The following ENPP2 variants were observed in gnomAD, a reference collection of about 807,000 sequenced individuals.
ENPP2 encodes autotaxin.
A neutral mutation model predicts 120.2 loss-of-function variants in ENPP2; 51 were observed. The ratio of observed to expected loss-of-function variants is 0.42; its 90% CI spans 0.34 to 0.54. The LOEUF (loss-of-function observed/expected upper bound fraction) is 0.54, where lower values mean the gene tolerates loss of function less well. ENPP2 is among the 20% of genes least tolerant of loss of function. ENPP2 has a pLI of 0.04. For synonymous variants in ENPP2, 365 were observed against 366.4 expected, an observed-to-expected ratio of 1.00 and a Z score of 0.04; for missense variants, 920 against 1,066.5, an observed-to-expected ratio of 0.86 and a Z score of 1.91.
At chr8:119,671,103 A>G (rs1004150023) in intron 1 of ENPP2, among the ~76,000 whole-genome samples, 1 of 142,718 alleles carries the variant, frequency 7.0e-6, no homozygotes, top group African/African-American at 2.6e-5. Flanking sequence ...CCTGGCTAAC[A>G]TGGTGAAACC....
chr8:119,659,334 A>AAAAAAAAAAAAAAAAAAAAAAAAAAC (rs58435393), intron 1 of ENPP2, among the ~76,000 whole-genome samples: 1 of 130,738 alleles, frequency 7.6e-6, no homozygotes. Context: ...AAAAAAAAAA[A>AAAAAAAAAAAAAAAAAAAAAAAAAAC]AAACCAGAGT....
At chr8:119,619,035 A>T (rs1191246691) in intron 5 of ENPP2, among the ~76,000 whole-genome samples, 7 of 152,142 alleles carry the variant, frequency 4.6e-5, no homozygotes, top group African/African-American at 1.7e-4. Flanking sequence ...TGCAGAGGTG[A>T]TTGGAGAAAA....
chr8:119,561,483 T>C (rs1044986257), intron 24 of ENPP2, among the ~76,000 whole-genome samples: 2 of 152,238 alleles, frequency 1.3e-5, no homozygotes, highest in Non-Finnish European at 2.9e-5. Context: ...AACAAAAGCA[T>C]AGACCATTAC....
At position 119,568,223 on chromosome 8, in the gene ENPP2, C is replaced by T. The variant is rs1217403225; in HGVS notation, c.2083G>A (p.Asp695Asn). The T allele has an allele frequency of 6.3e-7, 1 of 1,597,804 alleles. No individual in the cohort carries two copies. Among genetic ancestry groups the T allele is most frequent in the Admixed American group, 1.7e-5 (1 of 59,768 alleles). Residue 695 changes from aspartate to asparagine, a missense_variant, in exon 22 of 25, where the codon GAT becomes AAT. Coordinates refer to ENST00000075322, the MANE Select transcript of ENPP2 (RefSeq NM_001040092.3). ...ACCATATTGGTTACAAGGAATGCAT[C>T]ATATTTAGCCTCTGGTGAAGAGCTC... ...YLSSSPEAKY[D>N]AFLVTNMVPM...
upstream of ENPP2, among the ~76,000 whole-genome samples, chr8:119,642,025 C>T (rs1483882988): frequency 1.3e-5 from 2 of 152,140 alleles, no homozygotes; most frequent in East Asian, 1.9e-4. Flanking sequence ...TTCAGACATC[C>T]AGGCAACGCA....
At chr8:119,627,865 A>AATATATATATATAT (rs59289320) in intron 2 of ENPP2, among the ~76,000 whole-genome samples, 1 of 143,554 alleles carries the variant, frequency 7.0e-6, no homozygotes, top group African/African-American at 2.5e-5. Context: ...CCGTCTTAAA[A>AATATATATATATAT]ATATATATAT....
In ENPP2 at chr8:119,633,347, A is replaced by G. The variant is rs142320938; in HGVS notation, c.136+5078T>C. On this transcript the variant is annotated intron_variant, in intron 2 of 24. Transcript: ENST00000075322. The stretch of plus-strand genomic sequence containing the variant: ...AGCTTTGTCTGCTCCTGTTTATGAT[A>G]CTGCTCTCTATCTGTTCCTCCCATT... 2.0e-5 allele frequency among the ~76,000 whole-genome samples: 3 copies of G among 152,296 alleles called. No individual in the cohort carries two copies. In the East Asian group the frequency reaches 5.8e-4, roughly 29 times the overall value.
chr8:119,626,129 G>A (rs1423697842), intron 3 of ENPP2, among the ~76,000 whole-genome samples: 6 of 152,076 alleles, frequency 3.9e-5, no homozygotes, highest in Non-Finnish European at 5.9e-5. Flanking sequence ...AGGCTGAGGC[G>A]GGAAGATGGC....
intron 6 of ENPP2, 47 bp from the exon 7 acceptor site, chr8:119,617,290 T>TTTCTATAA (rs757654049): frequency 2.4e-5 from 35 of 1,467,492 alleles, no homozygotes; most frequent in Non-Finnish European, 3.3e-5. Flanking sequence ...CAACAGGAAT[T>TTTCTATAA]GCTTATAGAA....
chr8:119,557,777 A>G lies in ENPP2; in HGVS notation c.2422-86T>C, dbSNP rs1406271780. 7.0e-6 allele frequency: 8 copies of G among 1,145,564 alleles called. No individual in the cohort carries two copies. In the East Asian group the frequency reaches 1.7e-4, roughly 25 times the overall value. The allele number at this position is 1,145,564 out of a possible 1,614,324, so 71.0% of individuals were successfully genotyped here. A position where few individuals can be genotyped will look rare whatever the true frequency, so the allele number is the denominator to read the frequency against. ...TCAGTTTACTCCAAGTCCACAAATGACCTCTGTGCACTCTTGCACACAGAG... is the reference window on the plus strand; with the variant it reads ...TCAGTTTACTCCAAGTCCACAAATGGCCTCTGTGCACTCTTGCACACAGAG... On this transcript the variant is annotated intron_variant, in intron 24 of 24. Coordinates refer to ENST00000075322, the MANE Select transcript of ENPP2 (RefSeq NM_001040092.3).
chr8:119,644,623 T>TATATATATATACAC (rs1563768976), intron 1 of ENPP2, among the ~76,000 whole-genome samples: 23 of 97,248 alleles, frequency 2.4e-4, no homozygotes, highest in African/African-American at 8.2e-4. Flanking sequence ...TATATATATA[T>TATATATATATACAC]ATACACACAC....
intron 2 of ENPP2, among the ~76,000 whole-genome samples, chr8:119,630,362 C>G (rs1449821516): frequency 6.6e-6 from 1 of 152,180 alleles, no homozygotes; most frequent in Non-Finnish European, 1.5e-5. Context: ...CCTACTTTGG[C>G]CTTCCAAAGT....
intron 12 of ENPP2, among the ~76,000 whole-genome samples, chr8:119,592,497 A>G (rs1813587597): frequency 2.1e-5 from 3 of 145,182 alleles, no homozygotes; most frequent in Admixed American, 1.4e-4. Context: ...AAAAAAAAAA[A>G]GAAGAAGAAG....
chr8:119,617,338 A>C (rs1815528493), intron 6 of ENPP2, 95 bp from the exon 7 acceptor site: 1 of 1,166,656 alleles, frequency 8.6e-7, no homozygotes, highest in African/African-American at 1.5e-5. Flanking sequence ...TGTTACCTTC[A>C]CTTCTGTATT....
At chr8:119,566,827 A>G (rs1037337370) in intron 22 of ENPP2, among the ~76,000 whole-genome samples, 1 of 152,254 alleles carries the variant, frequency 6.6e-6, no homozygotes, top group Non-Finnish European at 1.5e-5. Flanking sequence ...AAATGTAACT[A>G]TGTGAGTTTC....
chr8:119,622,179 T>C (rs1815953496), intron 3 of ENPP2, among the ~76,000 whole-genome samples: 1 of 152,182 alleles, frequency 6.6e-6, no homozygotes, highest in Non-Finnish European at 1.5e-5. Context: ...TCCTCCCACC[T>C]TGGCCTCCCA....
rs773042006 is a variant in ENPP2, at chr8:119,617,131, C to T, written c.657+33G>A. ...AAGTCATTCCAGGATGAAATCAGCC[C>T]TTTGAATGTGTATCATTCGAAAAAA... is the stretch of plus-strand genomic sequence containing the variant. On this transcript the variant is annotated intron_variant, in intron 7 of 24. Coordinates refer to ENST00000075322, the MANE Select transcript of ENPP2 (RefSeq NM_001040092.3). 3.7e-6 allele frequency: 5 copies of T among 1,334,812 alleles called. No homozygotes were observed. The East Asian group carries it at 1.1e-4, about 31-fold the overall frequency. 82.7% of individuals were successfully genotyped at this position (1,334,812 alleles called of 1,614,324 possible).
intron 17 of ENPP2, 99 bp from the exon 18 acceptor site, chr8:119,582,701 G>A (rs1812834563): frequency 3.4e-6 from 3 of 879,224 alleles, no homozygotes; most frequent in Non-Finnish European, 3.6e-6. Context: ...TCTGAAAACT[G>A]TGAACACAAA....
At chr8:119,621,552 T>C in intron 3 of ENPP2, 33 bp from the exon 4 acceptor site, 2 of 1,607,732 alleles carry the variant, frequency 1.2e-6, no homozygotes, top group Non-Finnish European at 1.7e-6. Context: ...TTTTCACTGC[T>C]GCACACTAAC....
Sources: allele counts gnomAD v4.1 joint callset (sites outside exome capture counted in the v4.1 genomes callset), GRCh38; gene constraint gnomAD v4.1.1; transcripts MANE v1.5; gene names NCBI Gene and HGNC (gene_info 2026-07-23, HGNC 2026-07-21).